EHD3: variants seen among roughly 807,000 people sequenced by gnomAD.
EHD3 encodes EH domain containing 3.
A neutral mutation model predicts 43.0 loss-of-function variants in EHD3; 17 were observed. That is an observed-to-expected ratio of 0.40 (90% confidence interval 0.27 to 0.59). The LOEUF (loss-of-function observed/expected upper bound fraction) is 0.59, where lower values mean the gene tolerates loss of function less well. EHD3 is among the 20% of genes least tolerant of loss of function. The probability of loss-of-function intolerance (pLI) is 0.49; values close to 1 mark genes in which losing one functional copy is unlikely to be tolerated. For synonymous variants in EHD3, 313 were observed against 289.5 expected, an observed-to-expected ratio of 1.08 and a Z score of -0.82; for missense variants, 594 against 705.6, an observed-to-expected ratio of 0.84 and a Z score of 1.79.
chr2:31,258,957 G>T (rs1407443665), intron 3 of EHD3, among the ~76,000 whole-genome samples: 2 of 152,210 alleles, frequency 1.3e-5, no homozygotes, highest in Non-Finnish European at 2.9e-5. Context: ...AAGACAGTCA[G>T]AGCTTCTTAA....
chr2:31,260,996 G>T lies in EHD3; in HGVS notation c.915+74G>T. The stretch of plus-strand genomic sequence containing the variant: ...TTGGGGTCAGCTGCACGAGCTGAGG[G>T]TTGCTGCCTCCAACAGCCAGTGCAT... On this transcript the variant is annotated intron_variant, in intron 4 of 5. Coordinates refer to ENST00000322054, the MANE Select transcript of EHD3 (RefSeq NM_014600.3). The surrounding 1 kb of genome is among the most constrained non-coding windows in gnomAD (Gnocchi z 4.6). The T allele has an allele frequency of 1.3e-6, 2 of 1,499,916 alleles. No homozygotes were observed. The allele number at this position is 1,499,916 out of a possible 1,614,324, so 92.9% of individuals were successfully genotyped here.
Position 31,260,560 on chromosome 2 carries a change from A to G in EHD3, c.553A>G (p.Ile185Val). 3 of 1,613,794 alleles carry G rather than the reference A, an allele frequency of 1.9e-6. No individual in the cohort carries two copies. Among genetic ancestry groups the G allele is most frequent in the Non-Finnish European group, 2.5e-6 (3 of 1,179,740 alleles). The change falls in exon 4 of 6, where the codon ATC becomes GTC. Residue 185 changes from isoleucine (I) to valine (V), a missense_variant. Around this residue, in one of 3 missense-constraint regions of EHD3, gnomAD observed 243 missense variants for 296.7 expected, o/e 0.82. Coordinates refer to ENST00000322054, the MANE Select transcript of EHD3 (RefSeq NM_014600.3). The surrounding 1 kb of genome is among the most constrained non-coding windows in gnomAD (Gnocchi z 4.6). Reference protein sequence around the residue: ...LEWFAERVDRIILLFDAHKLD... With the variant: ...LEWFAERVDRVILLFDAHKLD... ...GTGGTTTGCCGAGCGGGTTGACCGC[A>G]TCATTCTGCTCTTCGATGCCCACAA...
At chr2:31,235,371 A>T (rs1683304773) in intron 1 of EHD3, among the ~76,000 whole-genome samples, 2 of 152,080 alleles carry the variant, frequency 1.3e-5, no homozygotes, top group South Asian at 4.2e-4. Context: ...TCCTCCTTTT[A>T]TCATTTCCTT....
intron 1 of EHD3, among the ~76,000 whole-genome samples, chr2:31,238,884 G>A (rs997826726): frequency 6.6e-6 from 1 of 152,284 alleles, no homozygotes; most frequent in African/African-American, 2.4e-5. Flanking sequence ...TGGCTGTGGG[G>A]CCTGGGGCTG....
rs760400790 is a variant in EHD3, at chr2:31,266,073, A to G, written c.1081-104A>G. On this transcript the variant is annotated intron_variant, in intron 5 of 5. Coordinates refer to ENST00000322054, the MANE Select transcript of EHD3 (RefSeq NM_014600.3). The surrounding 1 kb of genome is among the most constrained non-coding windows in gnomAD (Gnocchi z 5.1). ...AGGTCACAGGTCTTTCATTGTAGAA[A>G]GGGATCAGCTGTGAACATTCTGGTG... The G allele has an allele frequency of 2.2e-6, 3 of 1,392,612 alleles. No homozygotes were observed. The highest frequency in any genetic ancestry group is 1.4e-5 in the South Asian group (1 of 69,692). 86.3% of individuals were successfully genotyped at this position (1,392,612 alleles called of 1,614,324 possible).
At chr2:31,237,729 A>G (rs1464738529) in intron 1 of EHD3, among the ~76,000 whole-genome samples, 1 of 152,226 alleles carries the variant, frequency 6.6e-6, no homozygotes. Context: ...TATAGCATGA[A>G]CATTTCCTAT....
chr2:31,253,720 G>T (rs1483307476), intron 3 of EHD3, among the ~76,000 whole-genome samples: 1 of 152,202 alleles, frequency 6.6e-6, no homozygotes, highest in Non-Finnish European at 1.5e-5. Flanking sequence ...CCTCTACTGG[G>T]CCTGGGGCGG....
At chr2:31,263,216 C>G (rs925898433) in intron 5 of EHD3, among the ~76,000 whole-genome samples, 1 of 152,202 alleles carries the variant, frequency 6.6e-6, no homozygotes, top group Non-Finnish European at 1.5e-5. Flanking sequence ...GCGGGTTTCC[C>G]GGTCCTTGAC....
At chr2:31,261,205 A>G (rs940421480) in intron 4 of EHD3, among the ~76,000 whole-genome samples, 1 of 152,174 alleles carries the variant, frequency 6.6e-6, no homozygotes, top group South Asian at 2.1e-4. Context: ...TGGAGGATAA[A>G]GTGAAATAAA....
At chr2:31,239,515 T>A (rs1683378933) in intron 1 of EHD3, among the ~76,000 whole-genome samples, 1 of 152,146 alleles carries the variant, frequency 6.6e-6, no homozygotes, top group African/African-American at 2.4e-5. Context: ...GGCAAAACAT[T>A]TACTGGGAGG....
rs1309146980 is a variant in EHD3, at chr2:31,243,460, C to CTTTTTTTT, written c.228-808_228-801dup. Among the ~76,000 whole-genome samples, 174 of 98,462 alleles carry CTTTTTTTT rather than the reference C, an allele frequency of 1.8e-3. 7 individuals are homozygous for CTTTTTTTT. The highest frequency in any genetic ancestry group is 6.3e-3 in the Middle Eastern group (1 of 158). 64.6% of individuals were successfully genotyped at this position (98,462 alleles called of 152,430 possible). On this transcript the variant is annotated intron_variant, in intron 1 of 5. Transcript: ENST00000322054. ...TCTTTCTTTCTTTCTTTCTTTCTTT[C>CTTTTTTTT]TTTTTTTTTTTTTGAGACAGAGTTT...
intron 3 of EHD3, among the ~76,000 whole-genome samples, chr2:31,258,506 A>C (rs1196635935): frequency 3.3e-5 from 5 of 152,130 alleles, no homozygotes; most frequent in African/African-American, 1.2e-4. Flanking sequence ...TGAAAGTGAA[A>C]GCCAACTCGG....
chr2:31,251,277 A>T (rs1471640919), intron 3 of EHD3, among the ~76,000 whole-genome samples: 1 of 152,110 alleles, frequency 6.6e-6, no homozygotes, highest in African/African-American at 2.4e-5. Flanking sequence ...TTGAGGCTAC[A>T]CTATGCCTGT....
At chr2:31,258,255 C>T (rs982635415) in intron 3 of EHD3, among the ~76,000 whole-genome samples, 6 of 152,078 alleles carry the variant, frequency 3.9e-5, no homozygotes, top group Non-Finnish European at 5.9e-5. Context: ...TTACAGCCAC[C>T]AGGGAAACAT....
In EHD3 at chr2:31,250,502, G is replaced by A. The variant is rs143165342; in HGVS notation, c.502+1034G>A. Among the ~76,000 whole-genome samples, 938 of 152,160 alleles carry A rather than the reference G, an allele frequency of 6.2e-3. 6 individuals carry two copies. Among genetic ancestry groups the A allele is most frequent in the African/African-American group, 0.016 (682 of 41,530 alleles). On this transcript the variant is annotated intron_variant, in intron 3 of 5. Transcript: ENST00000322054. ...AGAATGGTCTCGATCTCCTGACCTC[G>A]TAATCCACCTACCTTGGCCTCCCAA...
chr2:31,264,561 A>C (rs1683909056), intron 5 of EHD3, among the ~76,000 whole-genome samples: 1 of 122,762 alleles, frequency 8.1e-6, no homozygotes, highest in Admixed American at 9.2e-5. Context: ...TTTGATACAG[A>C]GTCTCACTCT....
chr2:31,239,707 G>C (rs922445966), intron 1 of EHD3, among the ~76,000 whole-genome samples: 1 of 152,196 alleles, frequency 6.6e-6, no homozygotes, highest in African/African-American at 2.4e-5. Context: ...TTATCCATAA[G>C]ATGCGAATAG....
At position 31,249,520 on chromosome 2, in the gene EHD3, G is replaced by A. The variant is rs373137470; in HGVS notation, c.502+52G>A. On this transcript the variant is annotated intron_variant, in intron 3 of 5. Transcript: ENST00000322054. Reference sequence around the variant, plus strand: ...GCTGTGGGCTCCATGGTTCTGGCACGTTCAGTCTCTTACATACCAGAAGAG... The same window carrying A: ...GCTGTGGGCTCCATGGTTCTGGCACATTCAGTCTCTTACATACCAGAAGAG... The A allele has an allele frequency of 2.5e-4, 390 of 1,550,754 alleles. 4 individuals carry two copies. Among genetic ancestry groups the A allele is most frequent in the South Asian group, 8.9e-4 (79 of 88,952 alleles).
At chr2:31,263,235 C>T (rs115823221) in intron 5 of EHD3, among the ~76,000 whole-genome samples, 2,230 of 152,322 alleles carry the variant, frequency 0.015, 29 homozygotes, top group Non-Finnish European at 0.025. Flanking sequence ...ACTTGGAGCA[C>T]TTCAGCTCTT....
Sources: allele counts gnomAD v4.1 joint callset (sites outside exome capture counted in the v4.1 genomes callset), GRCh38; gene constraint gnomAD v4.1.1; regional missense constraint gnomAD v4.1.1; non-coding constraint Gnocchi (gnomAD v3.1); transcripts MANE v1.5; gene names NCBI Gene and HGNC (gene_info 2026-07-23, HGNC 2026-07-21).